PTPRT: variants seen among roughly 807,000 people sequenced by gnomAD.
The protein encoded by PTPRT is receptor-type tyrosine-protein phosphatase T.
In PTPRT, 56 loss-of-function variants were observed where a neutral mutation model predicts 176.8. The observed-to-expected ratio is 0.32, with a 90% CI of 0.26 to 0.40. The LOEUF (loss-of-function observed/expected upper bound fraction) is 0.40. PTPRT is among the 10% of genes least tolerant of loss of function. The probability of loss-of-function intolerance (pLI) is 1.00; values close to 1 mark genes in which losing one functional copy is unlikely to be tolerated. For synonymous variants in PTPRT, 783 were observed against 739.0 expected, an observed-to-expected ratio of 1.06 and a Z score of -0.96; for missense variants, 1,540 against 1,908.2, an observed-to-expected ratio of 0.81 and a Z score of 3.60.
chr20:42,752,258 A>C (rs1361418723), intron 6 of PTPRT, among the ~76,000 whole-genome samples: 2 of 152,172 alleles, frequency 1.3e-5, no homozygotes, highest in Non-Finnish European at 2.9e-5. Flanking sequence ...TATTTTATTT[A>C]ACAAATACCT....
At chr20:42,773,628 A>G (rs1286179788) in intron 4 of PTPRT, among the ~76,000 whole-genome samples, 1 of 152,180 alleles carries the variant, frequency 6.6e-6, no homozygotes, top group Non-Finnish European at 1.5e-5. Context: ...CAACTTGACA[A>G]ATGCCATGCT....
intron 1 of PTPRT, among the ~76,000 whole-genome samples, chr20:42,935,147 A>ATTTTT (rs57178522): frequency 1.7e-4 from 7 of 42,154 alleles, no homozygotes; most frequent in Non-Finnish European, 3.0e-4. Context: ...TTTTGCCATA[A>ATTTTT]TTTTTTTTTT....
chr20:42,565,186 C>G (rs1342469325), intron 7 of PTPRT, among the ~76,000 whole-genome samples: 3 of 152,106 alleles, frequency 2.0e-5, no homozygotes, highest in African/African-American at 7.2e-5. Context: ...CACTAGTCCC[C>G]AAGGCAGCTC....
At chr20:42,588,441 G>A (rs1034370258) in intron 7 of PTPRT, among the ~76,000 whole-genome samples, 3 of 151,326 alleles carry the variant, frequency 2.0e-5, no homozygotes, top group Non-Finnish European at 4.4e-5. Context: ...GAGCCAAACT[G>A]TCCCCAAAAA....
chr20:42,265,651 C>T (rs985401729), intron 13 of PTPRT, among the ~76,000 whole-genome samples: 1 of 152,100 alleles, frequency 6.6e-6, no homozygotes, highest in African/African-American at 2.4e-5. Flanking sequence ...GGAGCTTCAC[C>T]CGGTTCTCCT....
chr20:42,100,317 A>T lies in PTPRT; in HGVS notation c.3715-1765T>A, dbSNP rs183624787. Among the ~76,000 whole-genome samples the T allele has an allele frequency of 1.7e-3, 252 of 152,368 alleles. 1 individual carries two copies. Among genetic ancestry groups the T allele is most frequent in the South Asian group, 8.1e-3 (39 of 4,828 alleles). On this transcript the variant is annotated intron_variant, in intron 26 of 30. Coordinates refer to ENST00000373187, the MANE Select transcript of PTPRT (RefSeq NM_007050.6). Reference sequence around the variant, plus strand: ...GGCAATCCATTTCATGGATAACATCATCCTTTACCAGGGGAAACATTAAAA... The same window carrying T: ...GGCAATCCATTTCATGGATAACATCTTCCTTTACCAGGGGAAACATTAAAA...
At chr20:42,085,126 C>T (rs1568910743) in intron 28 of PTPRT, among the ~76,000 whole-genome samples, 1 of 152,162 alleles carries the variant, frequency 6.6e-6, no homozygotes, top group Non-Finnish European at 1.5e-5. Flanking sequence ...TTCCCTGACT[C>T]TGTTGGGCAG....
intron 7 of PTPRT, among the ~76,000 whole-genome samples, chr20:42,599,310 A>G (rs1046142087): frequency 1.3e-5 from 2 of 152,200 alleles, no homozygotes; most frequent in African/African-American, 4.8e-5. Context: ...GAGCAGAGAC[A>G]TCTGGGAGGT....
chr20:42,082,640 T>G (rs1303225274), intron 29 of PTPRT, among the ~76,000 whole-genome samples: 2 of 152,184 alleles, frequency 1.3e-5, no homozygotes, highest in African/African-American at 4.8e-5. Flanking sequence ...CTATACACTT[T>G]GGTTTAAGCA....
chr20:42,731,052 C>G (rs1600672583), intron 6 of PTPRT, among the ~76,000 whole-genome samples: 1 of 152,156 alleles, frequency 6.6e-6, no homozygotes, highest in Non-Finnish European at 1.5e-5. Context: ...TCTGTGCCCC[C>G]CACCACCCTT....
At chr20:43,138,216 G>A (rs972257348) in intron 1 of PTPRT, among the ~76,000 whole-genome samples, 1 of 152,238 alleles carries the variant, frequency 6.6e-6, no homozygotes, top group African/African-American at 2.4e-5. Context: ...GTCCAGAACA[G>A]CCTCTGACAC....
intron 25 of PTPRT, among the ~76,000 whole-genome samples, chr20:42,103,721 T>C (rs1285909831): frequency 6.6e-6 from 1 of 152,158 alleles, no homozygotes. Context: ...TACTGAAAAA[T>C]TACTGAGAGG....
intron 11 of PTPRT, among the ~76,000 whole-genome samples, chr20:42,332,938 T>C (rs1008411321): frequency 2.0e-5 from 3 of 152,312 alleles, no homozygotes; most frequent in African/African-American, 4.8e-5. Context: ...TGCAAAATCA[T>C]GTAAGGCAAA....
intron 2 of PTPRT, among the ~76,000 whole-genome samples, chr20:42,870,890 T>C (rs1350922048): frequency 1.3e-5 from 2 of 152,216 alleles, no homozygotes; most frequent in Admixed American, 6.5e-5. Flanking sequence ...TGTAAGGTGA[T>C]ATCTCATTGT....
At chr20:42,036,284 C>T in the PTPRT span, among the ~76,000 whole-genome samples, 1 of 152,204 alleles carries the variant, frequency 6.6e-6, no homozygotes, top group Non-Finnish European at 1.5e-5. Flanking sequence ...GGGCACCGGT[C>T]ACATCTGCTC....
At chr20:42,119,832 T>C in intron 20 of PTPRT, 103 bp downstream of exon 20, 1 of 1,029,622 alleles carries the variant, frequency 9.7e-7, no homozygotes, top group Non-Finnish European at 1.4e-6. Context: ...AGGGTTGGAG[T>C]AACAGATATA....
chr20:43,176,227 A>G (rs554717610), intron 1 of PTPRT, among the ~76,000 whole-genome samples: 39 of 116,386 alleles, frequency 3.4e-4, no homozygotes, highest in Middle Eastern at 5.1e-3. Context: ...TAGCCTGGCA[A>G]CAGAGCGAGA....
In PTPRT at chr20:42,969,105, T is replaced by C. The variant is rs544808377; in HGVS notation, c.89-83173A>G. ...AGATAGAAGAAGATGTCACTTGTCG[T>C]TAATGGGGTGTCACACGTACACTTG... is the stretch of plus-strand genomic sequence containing the variant. On this transcript the variant is annotated intron_variant, in intron 1 of 30. Coordinates refer to ENST00000373187, the MANE Select transcript of PTPRT (RefSeq NM_007050.6). 2.6e-5 allele frequency: 4 copies of C among 152,310 alleles called. No homozygotes were observed. In the South Asian group the frequency reaches 8.3e-4, roughly 32 times the overall value. The allele number at this position is 152,310 out of a possible 1,614,324, so 9.4% of individuals were successfully genotyped here.
chr20:42,051,223 C>T, the PTPRT span, among the ~76,000 whole-genome samples: 1 of 152,170 alleles, frequency 6.6e-6, no homozygotes, highest in East Asian at 1.9e-4. Flanking sequence ...GCCCTGAAAA[C>T]AGCAGTGTGT....
Sources: gnomAD v4.1 joint callset for allele counts (sites outside exome capture counted in the v4.1 genomes callset) on GRCh38, gnomAD v4.1.1 for gene constraint, MANE v1.5 for transcripts, NCBI Gene and HGNC (gene_info 2026-07-23, HGNC 2026-07-21) for gene names.